CNBD1: variants seen among roughly 807,000 people sequenced by gnomAD.
CNBD1 encodes cyclic nucleotide binding domain containing 1.
A neutral mutation model predicts 54.4 loss-of-function variants in CNBD1; 71 were observed. The observed-to-expected ratio is 1.30, with a 90% CI of 1.08 to 1.59. The LOEUF (loss-of-function observed/expected upper bound fraction) is 1.59. CNBD1 is among the 40% of genes most tolerant of loss of function. CNBD1 has a pLI of 0.00. For synonymous variants in CNBD1, 182 were observed against 170.7 expected, an observed-to-expected ratio of 1.07 and a Z score of -0.51; for missense variants, 659 against 518.0, an observed-to-expected ratio of 1.27 and a Z score of -2.64.
intron 4 of CNBD1, among the ~76,000 whole-genome samples, chr8:87,007,398 C>T (rs915921955): frequency 2.6e-5 from 4 of 151,684 alleles, no homozygotes; most frequent in Non-Finnish European, 4.4e-5. Context: ...TTGTGCATAC[C>T]TTTGTATTAT....
intron 8 of CNBD1, among the ~76,000 whole-genome samples, chr8:87,297,705 G>C (rs1563541970): frequency 6.6e-6 from 1 of 150,914 alleles, no homozygotes; most frequent in Non-Finnish European, 1.5e-5. Context: ...AATGTGGGGT[G>C]TGTGTGTGTG....
At chr8:87,170,306 G>A (rs577716827) in intron 4 of CNBD1, among the ~76,000 whole-genome samples, 9 of 151,974 alleles carry the variant, frequency 5.9e-5, no homozygotes, top group South Asian at 2.1e-4. Flanking sequence ...TAGTTTTTTG[G>A]CAGAGTCTTT....
rs1199510397 is a variant in CNBD1, at chr8:87,242,358, T to TA, written c.771+5246_771+5247insA. Among the ~76,000 whole-genome samples, 1,091 of 152,274 alleles carry TA rather than the reference T, an allele frequency of 7.2e-3. 11 individuals are homozygous for TA. Among genetic ancestry groups the TA allele is most frequent in the African/African-American group, 0.025 (1,034 of 41,544 alleles). ...ACCTTTTTAAGTCTGATATGAAACA[T>TA]TTACAATCTATTATGTCTGAAGCCT... On this transcript the variant is annotated intron_variant, in intron 6 of 10. Transcript: ENST00000518476.
chr8:87,311,732 T>G (rs1473697921), intron 8 of CNBD1, among the ~76,000 whole-genome samples: 2 of 152,122 alleles, frequency 1.3e-5, no homozygotes, highest in African/African-American at 4.8e-5. Flanking sequence ...AAAGAAAATG[T>G]GGCACATATA....
At chr8:87,240,684 C>A (rs1384905425) in intron 6 of CNBD1, among the ~76,000 whole-genome samples, 2 of 152,110 alleles carry the variant, frequency 1.3e-5, no homozygotes, top group Non-Finnish European at 2.9e-5. Flanking sequence ...GGTTTTCTGG[C>A]TCTTTCCAGT....
At chr8:87,288,065 T>C (rs1472981414) in intron 8 of CNBD1, among the ~76,000 whole-genome samples, 1 of 152,082 alleles carries the variant, frequency 6.6e-6, no homozygotes, top group Non-Finnish European at 1.5e-5. Context: ...TATTTCTAAA[T>C]TCCCCATGTT....
intron 8 of CNBD1, among the ~76,000 whole-genome samples, chr8:87,338,945 C>T (rs1810008806): frequency 6.6e-6 from 1 of 152,064 alleles, no homozygotes; most frequent in Non-Finnish European, 1.5e-5. Flanking sequence ...AAGCCCATGT[C>T]TCTGAACTGT....
chr8:86,999,481 G>A (rs2130542313), intron 4 of CNBD1, among the ~76,000 whole-genome samples: 1 of 151,542 alleles, frequency 6.6e-6, no homozygotes, highest in East Asian at 1.9e-4. Flanking sequence ...ATCCATTCCA[G>A]ATAGTTCTCT....
intron 10 of CNBD1, among the ~76,000 whole-genome samples, chr8:87,369,972 G>A (rs1461574270): frequency 1.3e-5 from 2 of 151,864 alleles, no homozygotes; most frequent in Admixed American, 6.6e-5. Context: ...GTGAGAACAT[G>A]CAGTGTTTGG....
intron 6 of CNBD1, among the ~76,000 whole-genome samples, chr8:87,281,174 C>G (rs1419812588): frequency 1.3e-5 from 2 of 151,378 alleles, no homozygotes; most frequent in Non-Finnish European, 3.0e-5. Flanking sequence ...TTAAAGGTAT[C>G]AAAACAACAC....
chr8:86,950,227 A>G (rs896624516), intron 4 of CNBD1, among the ~76,000 whole-genome samples: 3 of 151,002 alleles, frequency 2.0e-5, no homozygotes, highest in Non-Finnish European at 4.4e-5. Flanking sequence ...CGCCTGGCAA[A>G]TTTTTGTATT....
intron 8 of CNBD1, among the ~76,000 whole-genome samples, chr8:87,336,198 G>A (rs527299637): frequency 8.5e-5 from 13 of 152,054 alleles, no homozygotes; most frequent in Non-Finnish European, 1.5e-4. Flanking sequence ...CTCATGGAGT[G>A]TCTTAGTGGA....
intron 10 of CNBD1, among the ~76,000 whole-genome samples, chr8:87,375,176 A>G (rs548067000): frequency 6.6e-6 from 1 of 152,012 alleles, no homozygotes; most frequent in South Asian, 2.1e-4. Flanking sequence ...ATAAGAACAA[A>G]TGTACATGAA....
At chr8:86,957,911 A>T (rs1172135010) in intron 4 of CNBD1, among the ~76,000 whole-genome samples, 1 of 151,940 alleles carries the variant, frequency 6.6e-6, no homozygotes, top group Non-Finnish European at 1.5e-5. Flanking sequence ...AGTTCTTTTA[A>T]TTGTGAAGTT....
At chr8:87,354,581 G>A (rs1440360238) in intron 10 of CNBD1, among the ~76,000 whole-genome samples, 2 of 150,230 alleles carry the variant, frequency 1.3e-5, no homozygotes, top group Admixed American at 6.7e-5. Flanking sequence ...AACTGTCCCT[G>A]GTGTGTGATG....
chr8:86,881,933 A>T (rs1013460327), intron 1 of CNBD1, among the ~76,000 whole-genome samples: 2 of 152,218 alleles, frequency 1.3e-5, no homozygotes, highest in African/African-American at 4.8e-5. Context: ...TCCCTATTCA[A>T]TACTGGGAAT....
chr8:87,037,998 A>G (rs1283310731), intron 4 of CNBD1, among the ~76,000 whole-genome samples: 2 of 152,208 alleles, frequency 1.3e-5, no homozygotes, highest in Non-Finnish European at 2.9e-5. Context: ...AATGGGTCAA[A>G]GTCTCACACC....
chr8:87,057,818 C>T (rs1020400472), intron 4 of CNBD1, among the ~76,000 whole-genome samples: 2 of 152,080 alleles, frequency 1.3e-5, no homozygotes, highest in African/African-American at 4.8e-5. Flanking sequence ...CACTTCACTC[C>T]AGCCTGGGCA....
intron 4 of CNBD1, among the ~76,000 whole-genome samples, chr8:87,079,993 G>T (rs1472439675): frequency 1.3e-5 from 2 of 152,094 alleles, no homozygotes; most frequent in Admixed American, 6.5e-5. Flanking sequence ...TGGATACAAT[G>T]TGAAGTAAAT....
Sources: gnomAD v4.1 joint callset for allele counts (sites outside exome capture counted in the v4.1 genomes callset) on GRCh38, gnomAD v4.1.1 for gene constraint, MANE v1.5 for transcripts, NCBI Gene and HGNC (gene_info 2026-07-23, HGNC 2026-07-21) for gene names.